Variants in IQCJ observed in about 807,000 individuals in gnomAD.
IQCJ encodes the protein IQ motif containing J, also known as IQ domain-containing protein J.
A neutral mutation model predicts 11.0 loss-of-function variants in IQCJ; 9 were observed. The observed-to-expected ratio is 0.82, with a 90% CI of 0.49 to 1.43. The LOEUF is 1.43. Among genes scored for constraint, IQCJ ranks in the 40% most tolerant of loss-of-function variants. The probability of loss-of-function intolerance (pLI) is 0.00; values close to 1 mark genes in which losing one functional copy is unlikely to be tolerated. For synonymous variants in IQCJ, 55 were observed against 51.3 expected, an observed-to-expected ratio of 1.07 and a Z score of -0.31; for missense variants, 146 against 133.2, an observed-to-expected ratio of 1.10 and a Z score of -0.47.
intron 1 of IQCJ, among the ~76,000 whole-genome samples, chr3:159,151,622 A>G (rs1721227098): frequency 6.6e-6 from 1 of 152,148 alleles, no homozygotes; most frequent in Non-Finnish European, 1.5e-5. Context: ...CAAAAAAACA[A>G]AATTTAAGGA....
chr3:159,225,962 A>ATT (rs1199346207), intron 1 of IQCJ, among the ~76,000 whole-genome samples: 1 of 152,166 alleles, frequency 6.6e-6, no homozygotes, highest in African/African-American at 2.4e-5. Context: ...TTTACTTACT[A>ATT]TTATTGGTTT....
At position 159,163,484 on chromosome 3, in the gene IQCJ, ACTGG is replaced by A. The variant is rs1174018533; in HGVS notation, c.10-82358_10-82355del. The stretch of plus-strand genomic sequence containing the variant: ...CCAGTATCATACTGAATGGGCAAAA[ACTGG>A]AAGCATTCCCTTTGAAAACTGGCAC... On this transcript the variant is annotated intron_variant, in intron 1 of 3. Coordinates refer to ENST00000397832, the MANE Select transcript of IQCJ (RefSeq NM_001042706.3). 8.1e-3 allele frequency among the ~76,000 whole-genome samples: 1,229 copies of A among 152,238 alleles called. 8 individuals are homozygous for A. Among genetic ancestry groups the A allele is most frequent in the African/African-American group, 0.028 (1,165 of 41,548 alleles).
chr3:159,121,554 G>A (rs1719383684), intron 1 of IQCJ, among the ~76,000 whole-genome samples: 1 of 152,180 alleles, frequency 6.6e-6, no homozygotes, highest in Non-Finnish European at 1.5e-5. Flanking sequence ...GGTGAAAGGA[G>A]GTTGGTATGT....
At chr3:159,231,321 T>C (rs1189754839) in intron 1 of IQCJ, among the ~76,000 whole-genome samples, 1 of 152,192 alleles carries the variant, frequency 6.6e-6, no homozygotes, top group East Asian at 1.9e-4. Flanking sequence ...TAGAAATCTT[T>C]ATATATGTGT....
At chr3:159,126,687 G>A (rs1016119748) in intron 1 of IQCJ, among the ~76,000 whole-genome samples, 59 of 152,206 alleles carry the variant, frequency 3.9e-4, no homozygotes, top group Non-Finnish European at 5.9e-4. Context: ...GTGGATGAGA[G>A]CACACCCAAT....
At chr3:159,193,127 T>C (rs1723784641) in intron 1 of IQCJ, among the ~76,000 whole-genome samples, 1 of 152,158 alleles carries the variant, frequency 6.6e-6, no homozygotes, top group Admixed American at 6.5e-5. Context: ...ACCTTCAAAA[T>C]TGGGTAGGAG....
At chr3:159,086,226 T>C (rs1218169556) in intron 1 of IQCJ, among the ~76,000 whole-genome samples, 1 of 152,210 alleles carries the variant, frequency 6.6e-6, no homozygotes, top group Non-Finnish European at 1.5e-5. Context: ...CAGATAGTTG[T>C]AGATATGTGT....
At chr3:159,087,152 CT>C in intron 1 of IQCJ, among the ~76,000 whole-genome samples, 1 of 152,212 alleles carries the variant, frequency 6.6e-6, no homozygotes, top group Non-Finnish European at 1.5e-5. Flanking sequence ...TGCCAAAGGC[CT>C]TTTCTGCATC....
intron 1 of IQCJ, among the ~76,000 whole-genome samples, chr3:159,195,923 C>T (rs530136756): frequency 6.6e-6 from 1 of 152,278 alleles, no homozygotes; most frequent in East Asian, 1.9e-4. Flanking sequence ...GGATAAACAC[C>T]CAATGGTGAC....
At chr3:159,160,170 C>T (rs551160718) in intron 1 of IQCJ, among the ~76,000 whole-genome samples, 2 of 152,292 alleles carry the variant, frequency 1.3e-5, no homozygotes, top group East Asian at 1.9e-4. Flanking sequence ...CAAAACTTAG[C>T]ACAGAGGCAA....
intron 1 of IQCJ, among the ~76,000 whole-genome samples, chr3:159,236,249 C>T (rs1287877031): frequency 1.4e-5 from 1 of 72,832 alleles, no homozygotes; most frequent in East Asian, 4.2e-4. Context: ...AATACATAAA[C>T]AAAATGTATG....
chr3:159,087,322 G>C (rs1716857631), intron 1 of IQCJ, among the ~76,000 whole-genome samples: 1 of 151,104 alleles, frequency 6.6e-6, no homozygotes, highest in Non-Finnish European at 1.5e-5. Context: ...TGTTTTGCCA[G>C]TATTTTATTG....
intron 1 of IQCJ, among the ~76,000 whole-genome samples, chr3:159,141,711 T>A (rs1195375979): frequency 2.0e-5 from 3 of 152,210 alleles, no homozygotes; most frequent in Admixed American, 2.0e-4. Flanking sequence ...ATGATTTTGA[T>A]AAGTAAGTTA....
intron 1 of IQCJ, among the ~76,000 whole-genome samples, chr3:159,219,338 T>C (rs1467820711): frequency 3.3e-5 from 5 of 152,172 alleles, no homozygotes; most frequent in Admixed American, 1.3e-4. Flanking sequence ...ATAAGAATTA[T>C]GGCATAGGAA....
At chr3:159,096,446 T>C (rs1360526617) in intron 1 of IQCJ, among the ~76,000 whole-genome samples, 1 of 136,828 alleles carries the variant, frequency 7.3e-6, no homozygotes, top group African/African-American at 2.9e-5. Context: ...TGCCCACGCC[T>C]ATGTCCTGAA....
rs193049178 is a variant in IQCJ at position 159,163,449 on chromosome 3, A to G, written c.10-82394A>G. ...CAAAATAATAAGAGCTATCTATGAC[A>G]AACCCACAGCCAGTATCATACTGAA... is the stretch of plus-strand genomic sequence containing the variant. On this transcript the variant is annotated intron_variant, in intron 1 of 3. Transcript: ENST00000397832. Among the ~76,000 whole-genome samples the G allele has an allele frequency of 9.1e-3, 1,386 of 152,304 alleles. 19 individuals are homozygous for G. Among genetic ancestry groups the G allele is most frequent in the African/African-American group, 0.032 (1,343 of 41,558 alleles).
At chr3:159,173,769 T>C (rs536255232) in intron 1 of IQCJ, among the ~76,000 whole-genome samples, 2 of 152,324 alleles carry the variant, frequency 1.3e-5, no homozygotes, top group South Asian at 2.1e-4. Flanking sequence ...AATCTCTTTT[T>C]TCTTGATATT....
intron 1 of IQCJ, among the ~76,000 whole-genome samples, chr3:159,096,343 T>C (rs1409313041): frequency 2.0e-5 from 3 of 150,514 alleles, no homozygotes; most frequent in Non-Finnish European, 3.0e-5. Flanking sequence ...GTAGTTTCTT[T>C]TGCTGTGCAG....
intron 1 of IQCJ, 148 bp downstream of exon 1, chr3:159,069,589 C>T: frequency 8.9e-7 from 1 of 1,123,798 alleles, no homozygotes; most frequent in Non-Finnish European, 1.2e-6. Flanking sequence ...AATTATTGGT[C>T]TAGGTGCGTG....
Sources: gnomAD v4.1 joint callset for allele counts (sites outside exome capture counted in the v4.1 genomes callset) on GRCh38, gnomAD v4.1.1 for gene constraint, MANE v1.5 for transcripts, NCBI Gene and HGNC (gene_info 2026-07-23, HGNC 2026-07-21) for gene names.